SRL: variants seen among roughly 807,000 people sequenced by gnomAD.
The protein encoded by SRL is sarcalumenin.
SRL carries 23 observed loss-of-function variants against 39.5 expected under a neutral mutation model. The ratio of observed to expected loss-of-function variants is 0.58; its 90% CI spans 0.42 to 0.82. The LOEUF (loss-of-function observed/expected upper bound fraction) is 0.82. SRL is among the 40% of genes least tolerant of loss of function. The pLI, the probability that SRL is intolerant of heterozygous loss-of-function variation, is 0.00. For synonymous variants in SRL, 272 were observed against 237.4 expected (o/e 1.15, Z -1.34); for missense variants, 592 against 607.8 (o/e 0.97, Z 0.27).
chr16:4,218,816 C>A (rs888811451), intron 1 of SRL, among the ~76,000 whole-genome samples: 1 of 152,234 alleles, frequency 6.6e-6, no homozygotes, highest in African/African-American at 2.4e-5. Flanking sequence ...CAAGTCTACG[C>A]AGAGTTAGTT....
intron 1 of SRL, among the ~76,000 whole-genome samples, chr16:4,235,652 G>A (rs1246787880): frequency 6.6e-6 from 1 of 152,152 alleles, no homozygotes; most frequent in East Asian, 1.9e-4. Context: ...AGTGAGCTAT[G>A]ATTGCACCAC....
At chr16:4,197,675 C>G in intron 4 of SRL, 124 bp downstream of exon 4, 1 of 791,536 alleles carries the variant, frequency 1.3e-6, no homozygotes, top group South Asian at 1.5e-5. Flanking sequence ...GATCCACTGC[C>G]TTGGCCTCCC....
At chr16:4,199,693 CTTTTTT>C (rs35631556) in intron 3 of SRL, among the ~76,000 whole-genome samples, 1 of 96,424 alleles carries the variant, frequency 1.0e-5, no homozygotes, top group Non-Finnish European at 2.0e-5. Context: ...TTTTCTTTTC[CTTTTTT>C]TTTTTTTTTT....
intron 1 of SRL, among the ~76,000 whole-genome samples, chr16:4,238,009 A>G (rs1478490864): frequency 6.6e-6 from 1 of 152,202 alleles, no homozygotes; most frequent in African/African-American, 2.4e-5. Context: ...CACTGAGGAC[A>G]AAATGCCTGT....
intron 1 of SRL, among the ~76,000 whole-genome samples, chr16:4,226,806 TGGATGGATGGAAGAATGGAC>T (rs2052594636): frequency 6.7e-6 from 1 of 148,974 alleles, no homozygotes; most frequent in South Asian, 2.2e-4. Context: ...GCTGAATGGA[TGGATGGATGGAAGAATGGAC>T]GGATGGATGG....
At chr16:4,213,905 G>A (rs889257334) in intron 1 of SRL, among the ~76,000 whole-genome samples, 4 of 152,264 alleles carry the variant, frequency 2.6e-5, no homozygotes, top group East Asian at 1.9e-4. Context: ...AAGTCAAGTC[G>A]TTTGCCTCAC....
chr16:4,223,240 A>C (rs2052550394), intron 1 of SRL, among the ~76,000 whole-genome samples: 1 of 151,690 alleles, frequency 6.6e-6, no homozygotes, highest in Non-Finnish European at 1.5e-5. Flanking sequence ...TCAAAAAAAA[A>C]AAAAAAAAAG....
chr16:4,222,565 C>T (rs1214276702), intron 1 of SRL, among the ~76,000 whole-genome samples: 1 of 152,180 alleles, frequency 6.6e-6, no homozygotes, highest in African/African-American at 2.4e-5. Context: ...TGAGCCACTG[C>T]ACCCGGCTTT....
At chr16:4,226,718 A>C (rs114421463) in intron 1 of SRL, among the ~76,000 whole-genome samples, 2,900 of 151,714 alleles carry the variant, frequency 0.019, 99 homozygotes, top group African/African-American at 0.066. Context: ...GAATGGAAGG[A>C]AATATGGATG....
chr16:4,232,612 G>A (rs1480383247), intron 1 of SRL, among the ~76,000 whole-genome samples: 1 of 152,060 alleles, frequency 6.6e-6, no homozygotes, highest in Non-Finnish European at 1.5e-5. Context: ...CCGGGCTCAA[G>A]AGATCCACCT....
In SRL at chr16:4,197,865, C is replaced by T; in HGVS notation, c.310G>A (p.Val104Ile). Residue 104 changes from valine to isoleucine, a missense_variant, in exon 4 of 6, where the codon GTT (valine) becomes ATT (isoleucine). By Grantham distance (29) the Val-to-Ile change is conservative. Transcript: ENST00000399609. ...TAGTTTATCATGGTAGATTTACCAACACTCCACGGTCCCAGGAACAGTACC... is the reference window on the plus strand; with the variant it reads ...TAGTTTATCATGGTAGATTTACCAATACTCCACGGTCCCAGGAACAGTACC... ...PMVLFLGPWS[V>I]GKSTMINYLL... 1 of 1,614,168 alleles carries T rather than the reference C, an allele frequency of 6.2e-7. No individual in the cohort carries two copies. The highest frequency in any genetic ancestry group is 8.5e-7 in the Non-Finnish European group (1 of 1,180,012).
chr16:4,235,121 G>A (rs960601751), intron 1 of SRL, among the ~76,000 whole-genome samples: 1 of 152,178 alleles, frequency 6.6e-6, no homozygotes, highest in African/African-American at 2.4e-5. Flanking sequence ...AGACCCAAGA[G>A]GGAATGAAGG....
At chr16:4,224,230 A>C (rs1296089484) in intron 1 of SRL, among the ~76,000 whole-genome samples, 4 of 152,136 alleles carry the variant, frequency 2.6e-5, no homozygotes, top group Admixed American at 2.6e-4. Context: ...CAAGTATTTA[A>C]ACATTTCTGG....
chr16:4,197,421 C>CTTCT (rs71394661), intron 4 of SRL, among the ~76,000 whole-genome samples: 3 of 107,568 alleles, frequency 2.8e-5, no homozygotes, highest in East Asian at 2.8e-4. Flanking sequence ...CTTTTCTTTC[C>CTTCT]TTTTTTTTTT....
chr16:4,240,798 C>A (rs2052764859), intron 1 of SRL, among the ~76,000 whole-genome samples: 1 of 152,158 alleles, frequency 6.6e-6, no homozygotes, highest in Non-Finnish European at 1.5e-5. Context: ...GCTTGGGGCT[C>A]CGGATCCAAT....
chr16:4,208,267 C>T (rs543451887), intron 1 of SRL, among the ~76,000 whole-genome samples: 14 of 152,216 alleles, frequency 9.2e-5, no homozygotes, highest in African/African-American at 2.6e-4. Flanking sequence ...TCGTGCGTAG[C>T]GAGCAGAATA....
rs938752239 is a variant in SRL, at chr16:4,232,514, G to A, written c.61+9493C>T. 4.6e-5 allele frequency among the ~76,000 whole-genome samples: 7 copies of A among 151,684 alleles called. No homozygotes were observed. In the South Asian group the frequency reaches 6.2e-4, roughly 14 times the overall value. ...AGCCTTTACCTATTGCCATCTAGAC[G>A]AATTTTTTTTTTTTTCAACAGAGTC... On this transcript the variant is annotated intron_variant, in intron 1 of 5. Transcript: ENST00000399609.
chr16:4,240,853 T>A (rs1184453393), intron 1 of SRL, among the ~76,000 whole-genome samples: 1 of 152,052 alleles, frequency 6.6e-6, no homozygotes, highest in Non-Finnish European at 1.5e-5. Context: ...CCGCCTGGAA[T>A]ACTCAGCACT....
chr16:4,208,057 A>T (rs1014961785), intron 1 of SRL: 1 of 456,154 alleles, frequency 2.2e-6, no homozygotes, highest in South Asian at 1.6e-5. Context: ...TGATTCTCCA[A>T]CAAATTGCCA....
Sources: gnomAD v4.1 joint callset for allele counts (sites outside exome capture counted in the v4.1 genomes callset) on GRCh38, gnomAD v4.1.1 for gene constraint, MANE v1.5 for transcripts, NCBI Gene and HGNC (gene_info 2026-07-23, HGNC 2026-07-21) for gene names.